Variants in LRRN4 observed in about 807,000 individuals in gnomAD.
LRRN4 encodes the protein leucine-rich repeat neuronal protein 4.
LRRN4 carries 26 observed loss-of-function variants against 22.3 expected under a neutral mutation model. That is an observed-to-expected ratio of 1.16 (90% CI 0.85 to 1.62). The LOEUF (loss-of-function observed/expected upper bound fraction) is 1.62, where lower values mean the gene tolerates loss of function less well. LRRN4 is among the 40% of genes most tolerant of loss of function. LRRN4 has a pLI of 0.00. For missense variants in LRRN4, 1,070 were observed against 1,008.5 expected (o/e 1.06, Z -0.83); for synonymous variants, 496 against 486.2 (o/e 1.02, Z -0.26).
At position 6,041,521 on chromosome 20, in the gene LRRN4, C is replaced by T; in HGVS notation, c.1724G>A (p.Gly575Glu). The change falls in exon 5 of 5, where the codon GGG (glycine) becomes GAG (glutamate). Residue 575 changes from glycine to glutamate, a missense_variant. Gly to Glu is a moderately conservative substitution (Grantham distance 98, BLOSUM62 -2). Transcript: ENST00000378858. The surrounding 1 kb of genome is among the most constrained non-coding windows in gnomAD (Gnocchi z 9.4). ...RWRCRCPGLS[G>E]EDTIPDPPRL... The stretch of plus-strand genomic sequence containing the variant: ...GGGCGGGTCTGGGATGGTGTCTTCC[C>T]CGCTGAGGCCGGGGCACCGGCACCG... The T allele has an allele frequency of 6.4e-7, 1 of 1,555,706 alleles. No homozygotes were observed. Among genetic ancestry groups the T allele is most frequent in the Non-Finnish European group, 8.7e-7 (1 of 1,150,242 alleles).
chr20:6,053,626 G>T (rs1034841088), intron 1 of LRRN4, among the ~76,000 whole-genome samples: 3 of 152,178 alleles, frequency 2.0e-5, no homozygotes, highest in Admixed American at 6.5e-5. Flanking sequence ...CCATGCCCTG[G>T]CCATGAGGTC....
rs199762584 is a variant in LRRN4, at chr20:6,042,018, G to A, written c.1227C>T (p.Ala409=). ...PAGDQQSVSK[A]PNVGSRTIAA... ...CTATCGTGCGAGAGCCCACGTTAGGGGCCTTGGAGACACTCTGCTGGTCTC... is the reference window on the plus strand; with the variant it reads ...CTATCGTGCGAGAGCCCACGTTAGGAGCCTTGGAGACACTCTGCTGGTCTC... Residue 409 remains alanine (A), a synonymous_variant, in exon 5 of 5, where the codon GCC becomes GCT. Coordinates refer to ENST00000378858, the MANE Select transcript of LRRN4 (RefSeq NM_152611.5). 167 of 1,613,886 alleles carry A rather than the reference G, an allele frequency of 1.0e-4. 1 individual carries two copies. The highest frequency in any genetic ancestry group is 1.1e-4 in the Non-Finnish European group (126 of 1,179,996).
Position 6,041,896 on chromosome 20 carries a change from G to A in LRRN4, c.1349C>T (p.Ala450Val). The change falls in exon 5 of 5, where the codon GCC becomes GTC. Residue 450 changes from alanine to valine, a missense_variant. By Grantham distance (64) the Ala-to-Val change is moderately conservative (BLOSUM62 0). Transcript: ENST00000378858. The surrounding 1 kb of genome is among the most constrained non-coding windows in gnomAD (Gnocchi z 9.4). ...HSNSSVFPRA[A>V]STTRTQHRGE... The stretch of plus-strand genomic sequence containing the variant: ...TCGGTGCTGGGTCCTGGTGGTGCTG[G>A]CAGCCCTGGGGAAAACGCTGGAGTT... 6.2e-7 allele frequency: 1 copy of A among 1,614,152 alleles called. No homozygotes were observed. The highest frequency in any genetic ancestry group is 1.1e-5 in the South Asian group (1 of 91,082).
Position 6,052,276 on chromosome 20 carries a change from A to G in LRRN4, c.524T>C (p.Leu175Pro), listed in dbSNP as rs1181800246. 1.3e-6 allele frequency: 2 copies of G among 1,544,320 alleles called. No homozygotes were observed. The highest frequency in any genetic ancestry group is 2.5e-5 in the East Asian group (1 of 40,214). The change falls in exon 2 of 5, where the codon CTC becomes CCC. Residue 175 changes from leucine to proline, a missense_variant. Leu to Pro is a moderately conservative substitution (Grantham distance 98, BLOSUM62 -3). Transcript: ENST00000378858. ...AFACFPALQLLNLSCTALGRG... is the reference protein window; with the variant it reads ...AFACFPALQLPNLSCTALGRG... The stretch of plus-strand genomic sequence containing the variant: ...ACCCAGCGCGGTGCAGGAGAGGTTG[A>G]GGAGCTGCAGCGCGGGGAAGCAGGC...
intron 3 of LRRN4, among the ~76,000 whole-genome samples, chr20:6,047,604 A>G (rs1333243051): frequency 2.0e-5 from 3 of 150,722 alleles, no homozygotes; most frequent in African/African-American, 7.4e-5. Context: ...GGCCAACATG[A>G]TGAAACCCCG....
Position 6,052,531 on chromosome 20 carries a change from A to C in LRRN4, c.269T>G (p.Leu90Arg). Residue 90 changes from leucine to arginine, a missense_variant, in exon 2 of 5, where the codon CTG becomes CGG. Physicochemically the swap from Leu to Arg is moderately radical, Grantham distance 102. Coordinates refer to ENST00000378858, the MANE Select transcript of LRRN4 (RefSeq NM_152611.5). The part of the protein sequence containing the change: ...LDASHNLLRA[L>R]STSELGHLEQ... ...CAGGTGGCCGAGCTCGGAAGTGCTC[A>C]GGGCGCGCAGCAGGTTGTGGCTGGC... is the stretch of plus-strand genomic sequence containing the variant. The C allele has an allele frequency of 6.3e-7, 1 of 1,587,902 alleles. No homozygotes were observed. Among genetic ancestry groups the C allele is most frequent in the South Asian group, 1.1e-5 (1 of 88,870 alleles).
At chr20:6,045,003 A>G (rs1274176759) in intron 3 of LRRN4, among the ~76,000 whole-genome samples, 1 of 152,120 alleles carries the variant, frequency 6.6e-6, no homozygotes, top group Non-Finnish European at 1.5e-5. Context: ...GTGTGTGGAA[A>G]GGAAATGCTT....
rs754004926 is a variant in LRRN4 at position 6,041,770 on chromosome 20, C to T, written c.1475G>A (p.Arg492His). Residue 492 changes from arginine (R) to histidine (H), a missense_variant, in exon 5 of 5, where the codon CGC becomes CAC. Physicochemically the swap from Arg to His is conservative, Grantham distance 29. Coordinates refer to ENST00000378858, the MANE Select transcript of LRRN4 (RefSeq NM_152611.5). This position sits in a 1 kb window ranked among gnomAD's most constrained non-coding sequence, Gnocchi z 9.4. ...GCCGGGCTGAGGCGAGCTTATGCTGCGGTCCCACGAGGTAGGGAAGGGGCC... is the reference window on the plus strand; with the variant it reads ...GCCGGGCTGAGGCGAGCTTATGCTGTGGTCCCACGAGGTAGGGAAGGGGCC... ...LLGPFPTSWD[R>H]SISSPQPGQR... is the part of the protein sequence containing the mutation. 1.1e-5 allele frequency: 17 copies of T among 1,614,028 alleles called. No homozygotes were observed. The highest frequency in any genetic ancestry group is 1.7e-4 in the Middle Eastern group (1 of 6,060).
intron 4 of LRRN4, among the ~76,000 whole-genome samples, chr20:6,043,037 T>G (rs1981010200): frequency 6.6e-6 from 1 of 152,190 alleles, no homozygotes; most frequent in Non-Finnish European, 1.5e-5. Flanking sequence ...ACTTTTGCAG[T>G]AGACTCTATT....
chr20:6,047,763 C>A (rs1981144890), intron 3 of LRRN4, among the ~76,000 whole-genome samples: 1 of 148,382 alleles, frequency 6.7e-6, no homozygotes, highest in South Asian at 2.2e-4. Flanking sequence ...TGCACTCCAT[C>A]CTGGTGGCAG....
intron 4 of LRRN4, among the ~76,000 whole-genome samples, chr20:6,043,818 A>G (rs1433476347): frequency 6.6e-6 from 1 of 151,808 alleles, no homozygotes; most frequent in East Asian, 2.0e-4. Context: ...GCTGAGTAGG[A>G]TGATCGCTGA....
At position 6,040,758 on chromosome 20, in the gene LRRN4, A is replaced by G. The variant is rs912015125; in HGVS notation, c.*264T>C. ...TGCTGAAAACCGCAAATGAACCAAC[A>G]ACACACAAGAAGGCCTGGCGGCAGT... is the stretch of plus-strand genomic sequence containing the variant. On this transcript the variant is annotated 3_prime_UTR_variant, in exon 5 of 5. Coordinates refer to ENST00000378858, the MANE Select transcript of LRRN4 (RefSeq NM_152611.5). 2 of 522,212 alleles carry G rather than the reference A, an allele frequency of 3.8e-6. No individual in the cohort carries two copies. Among genetic ancestry groups the G allele is most frequent in the African/African-American group, 3.9e-5 (2 of 51,352 alleles). The allele number at this position is 522,212 out of a possible 1,614,324, so 32.3% of individuals were successfully genotyped here.
chr20:6,041,860 G>T lies in LRRN4; in HGVS notation c.1385C>A (p.Ala462Asp). ...ATCAGGCTCAAGGACAAGCTCGGGGGCATGTTCTCCTCGGTGCTGGGTCCT... is the reference window on the plus strand; with the variant it reads ...ATCAGGCTCAAGGACAAGCTCGGGGTCATGTTCTCCTCGGTGCTGGGTCCT... ...TTRTQHRGEHAPELVLEPDIS... is the reference protein window; with the variant it reads ...TTRTQHRGEHDPELVLEPDIS... Residue 462 changes from alanine to aspartate, a missense_variant, in exon 5 of 5, where the codon GCC becomes GAC. Coordinates refer to ENST00000378858, the MANE Select transcript of LRRN4 (RefSeq NM_152611.5). This position sits in a 1 kb window ranked among gnomAD's most constrained non-coding sequence, Gnocchi z 9.4. 1 of 1,614,208 alleles carries T rather than the reference G, an allele frequency of 6.2e-7. No homozygotes were observed. Among genetic ancestry groups the T allele is most frequent in the Non-Finnish European group, 8.5e-7 (1 of 1,180,038 alleles).
chr20:6,042,018 G>C lies in LRRN4; in HGVS notation c.1227C>G (p.Ala409=). ...CTATCGTGCGAGAGCCCACGTTAGG[G>C]GCCTTGGAGACACTCTGCTGGTCTC... ...PAGDQQSVSK[A]PNVGSRTIAA... The change falls in exon 5 of 5, where the codon GCC becomes GCG. Residue 409 remains alanine (A), a synonymous_variant. Transcript: ENST00000378858. 6.2e-7 allele frequency: 1 copy of C among 1,614,002 alleles called. No individual in the cohort carries two copies. The highest frequency in any genetic ancestry group is 1.1e-5 in the South Asian group (1 of 91,076).
At position 6,040,612 on chromosome 20, in the gene LRRN4, T is replaced by G. The variant is rs989314601; in HGVS notation, c.*410A>C. 2.0e-5 allele frequency among the ~76,000 whole-genome samples: 3 copies of G among 152,206 alleles called. No homozygotes were observed. Among genetic ancestry groups the G allele is most frequent in the African/African-American group, 7.2e-5 (3 of 41,450 alleles). ...CTTAGAGCTTGACCATGAAGGAGCT[T>G]CCGCTGGAAAGACCTGAGGATGTGA... On this transcript the variant is annotated 3_prime_UTR_variant, in exon 5 of 5. Coordinates refer to ENST00000378858, the MANE Select transcript of LRRN4 (RefSeq NM_152611.5).
rs1367857929 is a variant in LRRN4 at position 6,041,463 on chromosome 20, C to T, written c.1782G>A (p.Thr594=). Residue 594 remains threonine, a synonymous_variant, in exon 5 of 5, where the codon ACG becomes ACA. Transcript: ENST00000378858. This position sits in a 1 kb window ranked among gnomAD's most constrained non-coding sequence, Gnocchi z 9.4. ...GGGCACACCAGTGGACCAGCGCCGA[C>T]GTGTCCGTGGTCTCCGTCACCCCCT... The part of the protein sequence containing the change: ...RLQGVTETTD[T]SALVHWCAPN... 4 of 1,555,782 alleles carry T rather than the reference C, an allele frequency of 2.6e-6. No individual in the cohort carries two copies. Among genetic ancestry groups the T allele is most frequent in the South Asian group, 2.5e-5 (2 of 81,518 alleles).
At position 6,041,023 on chromosome 20, in the gene LRRN4, T is replaced by A; in HGVS notation, c.2222A>T (p.Ter741LeuextTer50). The A allele has an allele frequency of 6.8e-6, 11 of 1,613,226 alleles. No homozygotes were observed. The South Asian group carries it at 9.9e-5, about 14-fold the overall frequency. ...AGACGCGTTATCCCAGAAGCTGGGC[T>A]AACTGACGGTCTGGAGCCCCAGCGG... ...DYPLGLQTVS* is the reference protein window; with the variant it reads ...DYPLGLQTVSL The change falls in exon 5 of 5, where the codon TAG (stop) becomes TTG (leucine). Residue 741 changes from the stop codon to leucine, a stop_lost. Coordinates refer to ENST00000378858, the MANE Select transcript of LRRN4 (RefSeq NM_152611.5). The surrounding 1 kb of genome is among the most constrained non-coding windows in gnomAD (Gnocchi z 9.4).
Position 6,041,272 on chromosome 20 carries a change from C to T in LRRN4, c.1973G>A (p.Gly658Asp). The change falls in exon 5 of 5, where the codon GGC becomes GAC. Residue 658 changes from glycine (G) to aspartate (D), a missense_variant. Coordinates refer to ENST00000378858, the MANE Select transcript of LRRN4 (RefSeq NM_152611.5). This position sits in a 1 kb window ranked among gnomAD's most constrained non-coding sequence, Gnocchi z 9.4. ...GCCCGAAGACCGTGGCTGGCTCAAG[C>T]CCGCCCTGTTGGCCGCCAGCACGCA... ...RVCVLAANRA[G>D]LSQPRSSGWR... 2 of 1,590,244 alleles carry T rather than the reference C, an allele frequency of 1.3e-6. No homozygotes were observed. The highest frequency in any genetic ancestry group is 1.1e-5 in the South Asian group (1 of 89,022).
Position 6,041,904 on chromosome 20 carries a change from G to A in LRRN4, c.1341C>T (p.Pro447=), listed in dbSNP as rs1403732356. Residue 447 remains proline (P), a synonymous_variant, in exon 5 of 5, where the codon CCC becomes CCT. Transcript: ENST00000378858. The surrounding 1 kb of genome is among the most constrained non-coding windows in gnomAD (Gnocchi z 9.4). ...GGGTCCTGGTGGTGCTGGCAGCCCT[G>A]GGGAAAACGCTGGAGTTGCTGTGAC... ...VAGHSNSSVF[P]RAASTTRTQH... The A allele has an allele frequency of 1.2e-6, 2 of 1,614,116 alleles. No individual in the cohort carries two copies. The highest frequency in any genetic ancestry group is 2.2e-5 in the East Asian group (1 of 44,866).
Sources: gnomAD v4.1 joint callset for allele counts (sites outside exome capture counted in the v4.1 genomes callset) on GRCh38, gnomAD v4.1.1 for gene constraint, Gnocchi (gnomAD v3.1) non-coding constraint, MANE v1.5 for transcripts, NCBI Gene and HGNC (gene_info 2026-07-23, HGNC 2026-07-21) for gene names.